The following MPPED2 variants were observed in gnomAD, a reference collection of about 807,000 sequenced individuals.
MPPED2 encodes metallophosphoesterase domain containing 2.
MPPED2 carries 5 observed loss-of-function variants against 33.0 expected under a neutral mutation model. That is an observed-to-expected ratio of 0.15 (90% CI 0.08 to 0.32). MPPED2 has a LOEUF of 0.32. Ranked by LOEUF, MPPED2 falls within the 10% of genes least tolerant of loss-of-function variation. MPPED2 has a pLI of 1.00. For missense variants in MPPED2, 275 were observed against 372.1 expected, an observed-to-expected ratio of 0.74 and a Z score of 2.15; for synonymous variants, 136 against 141.9, an observed-to-expected ratio of 0.96 and a Z score of 0.29.
chr11:30,415,788 C>T (rs1178614312), intron 5 of MPPED2, among the ~76,000 whole-genome samples: 1 of 152,192 alleles, frequency 6.6e-6, no homozygotes, highest in African/African-American at 2.4e-5. Flanking sequence ...CTCTTATTGC[C>T]ATTTGCTTTT....
chr11:30,482,730 G>A (rs1049875560), intron 4 of MPPED2, among the ~76,000 whole-genome samples: 12 of 151,732 alleles, frequency 7.9e-5, no homozygotes, highest in Admixed American at 6.6e-5. Flanking sequence ...TCTGTTTATT[G>A]GAACAATCAA....
chr11:30,581,307 G>T (rs995508917), intron 1 of MPPED2, among the ~76,000 whole-genome samples: 3 of 152,062 alleles, frequency 2.0e-5, no homozygotes, highest in African/African-American at 7.2e-5. Context: ...TCAGTAATTG[G>T]TTTCATTTTT....
intron 3 of MPPED2, among the ~76,000 whole-genome samples, chr11:30,522,995 T>C (rs1239149911): frequency 6.6e-6 from 1 of 152,180 alleles, no homozygotes; most frequent in Non-Finnish European, 1.5e-5. Flanking sequence ...ATTACAGCAG[T>C]TACAAGCCCC....
chr11:30,555,722 T>G (rs1955933973), intron 2 of MPPED2, among the ~76,000 whole-genome samples: 1 of 152,176 alleles, frequency 6.6e-6, no homozygotes, highest in Non-Finnish European at 1.5e-5. Flanking sequence ...TGTGGAACTG[T>G]GAGTCCATTA....
At chr11:30,424,761 T>C (rs1482329630) in intron 4 of MPPED2, among the ~76,000 whole-genome samples, 1 of 152,114 alleles carries the variant, frequency 6.6e-6, no homozygotes, top group Non-Finnish European at 1.5e-5. Context: ...AAGTCCCTCC[T>C]CTGGGCAGCC....
intron 4 of MPPED2, among the ~76,000 whole-genome samples, chr11:30,425,341 C>G (rs745991290): frequency 5.3e-5 from 8 of 152,138 alleles, no homozygotes; most frequent in Non-Finnish European, 1.2e-4. Flanking sequence ...GTGGTGTAAG[C>G]AGAGTTTACT....
At chr11:30,528,893 T>C (rs1019646709) in intron 3 of MPPED2, among the ~76,000 whole-genome samples, 1 of 152,224 alleles carries the variant, frequency 6.6e-6, no homozygotes, top group African/African-American at 2.4e-5. Context: ...AGAAATTTGA[T>C]AATACATAAT....
chr11:30,464,892 T>A (rs1275646356), intron 4 of MPPED2, among the ~76,000 whole-genome samples: 3 of 152,182 alleles, frequency 2.0e-5, no homozygotes, highest in African/African-American at 7.2e-5. Flanking sequence ...CGGATATCTA[T>A]CACAGGCTCG....
chr11:30,497,648 A>G (rs1358777254), intron 3 of MPPED2, among the ~76,000 whole-genome samples: 3 of 151,684 alleles, frequency 2.0e-5, no homozygotes, highest in Non-Finnish European at 4.4e-5. Flanking sequence ...CGTGGGTGAG[A>G]CTAGCCACTA....
At position 30,568,392 on chromosome 11, in the gene MPPED2, T is replaced by C. The variant is rs371033895; in HGVS notation, c.128+11854A>G. On this transcript the variant is annotated intron_variant, in intron 2 of 6. Coordinates refer to ENST00000358117, the MANE Select transcript of MPPED2 (RefSeq NM_001584.3). ...ATTCTTTCCCTCTCTCTCTCTTTCA[T>C]GTTCTTTTGTTTACCGTTTTATGAA... 7.2e-5 allele frequency among the ~76,000 whole-genome samples: 11 copies of C among 152,282 alleles called. No homozygotes were observed. The East Asian group carries it at 1.5e-3, about 21-fold the overall frequency.
downstream of MPPED2, among the ~76,000 whole-genome samples, chr11:30,405,570 A>C (rs1373814696): frequency 2.0e-5 from 3 of 152,168 alleles, no homozygotes; most frequent in Non-Finnish European, 4.4e-5. Flanking sequence ...TAATTCAGGA[A>C]GGAAATGAGG....
intron 4 of MPPED2, among the ~76,000 whole-genome samples, chr11:30,483,796 C>T (rs567628541): frequency 6.6e-6 from 1 of 152,122 alleles, no homozygotes; most frequent in African/African-American, 2.4e-5. Flanking sequence ...GCTCATGAAG[C>T]CTTGTGTGGC....
At chr11:30,393,583 T>G (rs1947805728) in intron 6 of MPPED2, among the ~76,000 whole-genome samples, 1 of 150,468 alleles carries the variant, frequency 6.6e-6, no homozygotes, top group Non-Finnish European at 1.5e-5. Flanking sequence ...TAATATAACC[T>G]CCCAGGAGTT....
At chr11:30,454,211 G>A (rs985287354) in intron 4 of MPPED2, among the ~76,000 whole-genome samples, 1 of 152,136 alleles carries the variant, frequency 6.6e-6, no homozygotes, top group Non-Finnish European at 1.5e-5. Context: ...TCAAAATCCC[G>A]TTCTGCTCTT....
chr11:30,528,997 A>G (rs1954359208), intron 3 of MPPED2, among the ~76,000 whole-genome samples: 1 of 152,246 alleles, frequency 6.6e-6, no homozygotes, highest in African/African-American at 2.4e-5. Flanking sequence ...AGAGAGCAAG[A>G]AAGATGTTCA....
At chr11:30,457,971 G>C (rs1223502967) in intron 4 of MPPED2, among the ~76,000 whole-genome samples, 1 of 152,072 alleles carries the variant, frequency 6.6e-6, no homozygotes, top group Admixed American at 6.6e-5. Context: ...AATACTTATC[G>C]GGCAGGGCTG....
intron 2 of MPPED2, among the ~76,000 whole-genome samples, chr11:30,541,277 C>T (rs60941669): frequency 6.6e-6 from 1 of 152,176 alleles, no homozygotes; most frequent in East Asian, 1.9e-4. Flanking sequence ...TTTTTACTCA[C>T]AAAAAATATG....
At chr11:30,457,856 A>G (rs1213565072) in intron 4 of MPPED2, among the ~76,000 whole-genome samples, 1 of 152,214 alleles carries the variant, frequency 6.6e-6, no homozygotes, top group Non-Finnish European at 1.5e-5. Flanking sequence ...GTCTCCCCAG[A>G]ATCTCTGTCC....
At chr11:30,439,164 T>A (rs1949453219) in intron 4 of MPPED2, among the ~76,000 whole-genome samples, 1 of 152,216 alleles carries the variant, frequency 6.6e-6, no homozygotes. Context: ...ATTAGGCCCT[T>A]GTACTTCCAA....
Sources: gnomAD v4.1 joint callset for allele counts (sites outside exome capture counted in the v4.1 genomes callset) on GRCh38, gnomAD v4.1.1 for gene constraint, MANE v1.5 for transcripts, NCBI Gene and HGNC (gene_info 2026-07-23, HGNC 2026-07-21) for gene names.